Variants in CADPS2 observed in about 807,000 individuals in gnomAD.
The protein encoded by CADPS2 is calcium dependent secretion activator 2, also known as calcium-dependent secretion activator 2.
A neutral mutation model predicts 172.5 loss-of-function variants in CADPS2; 93 were observed. The ratio of observed to expected loss-of-function variants is 0.54; its 90% CI spans 0.46 to 0.64. The LOEUF (loss-of-function observed/expected upper bound fraction) is 0.64. CADPS2 is among the 30% of genes least tolerant of loss of function. The pLI is 0.00. For missense variants in CADPS2, 1,420 were observed against 1,565.9 expected (o/e 0.91, Z 1.57); for synonymous variants, 546 against 555.2 (o/e 0.98, Z 0.23).
chr7:122,710,747 T>C (rs974498551), intron 2 of CADPS2, among the ~76,000 whole-genome samples: 2 of 152,138 alleles, frequency 1.3e-5, no homozygotes, highest in African/African-American at 2.4e-5. Context: ...AAACCACCTG[T>C]TCCTATGACA....
At chr7:122,536,277 T>G (rs560670105) in intron 8 of CADPS2, among the ~76,000 whole-genome samples, 1 of 152,052 alleles carries the variant, frequency 6.6e-6, no homozygotes, top group Non-Finnish European at 1.5e-5. Flanking sequence ...TGCAAAACAG[T>G]GTGTTAGGAA....
intron 1 of CADPS2, among the ~76,000 whole-genome samples, chr7:122,819,477 C>T (rs1423079428): frequency 6.6e-6 from 1 of 152,112 alleles, no homozygotes; most frequent in Non-Finnish European, 1.5e-5. Context: ...AAGGTAAGCC[C>T]CGTCCCCTTC....
intron 2 of CADPS2, among the ~76,000 whole-genome samples, chr7:122,726,910 T>C (rs1463143502): frequency 7.2e-5 from 11 of 151,914 alleles, no homozygotes. Flanking sequence ...ACTAAATAAC[T>C]TCCTGAGGAA....
chr7:122,702,184 A>T (rs761212494), intron 2 of CADPS2: 1 of 1,613,668 alleles, frequency 6.2e-7, no homozygotes, highest in East Asian at 2.2e-5. Context: ...ACATGATGTA[A>T]TGGCTCACCC....
At chr7:122,650,570 A>G (rs1303180908) in intron 3 of CADPS2, among the ~76,000 whole-genome samples, 3 of 152,198 alleles carry the variant, frequency 2.0e-5, no homozygotes, top group Non-Finnish European at 2.9e-5. Context: ...AAGGTAATCT[A>G]TATTCATTAT....
intron 28 of CADPS2, among the ~76,000 whole-genome samples, chr7:122,338,216 G>A (rs2036200295): frequency 1.3e-5 from 2 of 152,160 alleles, no homozygotes; most frequent in Admixed American, 6.5e-5. Context: ...GGGCAACGTG[G>A]TGAAACCCTG....
chr7:122,339,232 C>T (rs1053815313), intron 28 of CADPS2, among the ~76,000 whole-genome samples: 5 of 152,244 alleles, frequency 3.3e-5, no homozygotes, highest in South Asian at 2.1e-4. Flanking sequence ...GCTCTAAATA[C>T]ATACAAAGAA....
At chr7:122,509,119 T>C (rs1200176511) in intron 9 of CADPS2, among the ~76,000 whole-genome samples, 1 of 152,182 alleles carries the variant, frequency 6.6e-6, no homozygotes, top group African/African-American at 2.4e-5. Context: ...CAGAACTTCA[T>C]GTTCTTCAGG....
chr7:122,435,159 A>G (rs1211570774), intron 17 of CADPS2, among the ~76,000 whole-genome samples: 2 of 152,222 alleles, frequency 1.3e-5, no homozygotes, highest in Non-Finnish European at 2.9e-5. Context: ...AGAGCTATTC[A>G]TCAATGACAA....
intron 17 of CADPS2, among the ~76,000 whole-genome samples, chr7:122,432,643 T>TAAAAAAAA (rs57311950): frequency 4.8e-4 from 52 of 107,544 alleles, no homozygotes; most frequent in East Asian, 1.1e-3. Context: ...TCTGTTAAAA[T>TAAAAAAAA]AAAAAAAAAA....
chr7:122,336,301 CCAGCA>C (rs2035843077), intron 28 of CADPS2, among the ~76,000 whole-genome samples: 1 of 152,044 alleles, frequency 6.6e-6, no homozygotes, highest in Non-Finnish European at 1.5e-5. Flanking sequence ...GTACAAAAGG[CCAGCA>C]CAGAAAATGG....
intron 8 of CADPS2, among the ~76,000 whole-genome samples, chr7:122,518,149 G>A (rs2060513550): frequency 6.6e-6 from 1 of 151,724 alleles, no homozygotes; most frequent in South Asian, 2.1e-4. Flanking sequence ...AGAAACATGA[G>A]TTACTCTATA....
At chr7:122,846,355 T>C (rs1267932975) in intron 1 of CADPS2, among the ~76,000 whole-genome samples, 2 of 152,212 alleles carry the variant, frequency 1.3e-5, no homozygotes, top group Non-Finnish European at 2.9e-5. Context: ...AGAAAATCAC[T>C]GTAAATACTT....
intron 8 of CADPS2, among the ~76,000 whole-genome samples, chr7:122,513,976 TTTC>T (rs2060175889): frequency 6.6e-6 from 1 of 152,210 alleles, no homozygotes; most frequent in Non-Finnish European, 1.5e-5. Flanking sequence ...AACCATGGCT[TTTC>T]TTCAACTTTG....
intron 8 of CADPS2, among the ~76,000 whole-genome samples, chr7:122,529,400 C>T (rs755640103): frequency 1.1e-4 from 17 of 152,012 alleles, no homozygotes; most frequent in Non-Finnish European, 1.9e-4. Flanking sequence ...AAAGTATACC[C>T]ATCCCTAATT....
chr7:122,818,504 G>A (rs62482468), intron 1 of CADPS2, among the ~76,000 whole-genome samples: 392 of 139,562 alleles, frequency 2.8e-3, no homozygotes, highest in East Asian at 5.6e-3. Context: ...TTTCCCTCCC[G>A]CCTGTCCCCT....
intron 1 of CADPS2, among the ~76,000 whole-genome samples, chr7:122,829,961 A>G (rs190986477): frequency 6.6e-6 from 1 of 152,224 alleles, no homozygotes; most frequent in Non-Finnish European, 1.5e-5. Context: ...ATACCTATTT[A>G]TGTATAAAAT....
chr7:122,750,696 A>G (rs77521322), intron 1 of CADPS2, among the ~76,000 whole-genome samples: 29 of 152,284 alleles, frequency 1.9e-4, no homozygotes, highest in African/African-American at 6.5e-4. Context: ...AAAGAAGAAC[A>G]AGTGAACAAA....
chr7:122,639,443 T>C (rs1489002749), intron 3 of CADPS2, among the ~76,000 whole-genome samples: 1 of 152,208 alleles, frequency 6.6e-6, no homozygotes, highest in Admixed American at 6.5e-5. Flanking sequence ...TATAAAACTA[T>C]AGTATTCTAT....
Sources: allele counts gnomAD v4.1 joint callset (sites outside exome capture counted in the v4.1 genomes callset), GRCh38; gene constraint gnomAD v4.1.1; transcripts MANE v1.5; gene names NCBI Gene and HGNC (gene_info 2026-07-23, HGNC 2026-07-21).